The following GABRA5 variants were observed in gnomAD, a reference collection of about 807,000 sequenced individuals.
GABRA5 encodes the protein gamma-aminobutyric acid type A receptor subunit alpha5, also known as gamma-aminobutyric acid receptor subunit alpha-5.
Under a neutral mutation model 47.3 loss-of-function variants are expected in GABRA5, and 18 were observed. The ratio of observed to expected loss-of-function variants is 0.38; its 90% CI spans 0.26 to 0.56. The LOEUF is 0.56. Ranked by LOEUF, GABRA5 falls within the 20% of genes least tolerant of loss-of-function variation. GABRA5 has a pLI of 0.71. For missense variants in GABRA5, 365 were observed against 599.3 expected (o/e 0.61, Z 4.08); for synonymous variants, 237 against 229.3 (o/e 1.03, Z -0.30).
chr15:26,919,849 G>A lies in GABRA5; in HGVS notation c.580+4964G>A, dbSNP rs74491305. ...TTTCTGCTTTTGTTTTTCTGGAAAA[G>A]TTTTTGTCTTGCCTTCATTTTTGAA... On this transcript the variant is annotated intron_variant, in intron 7 of 10. Coordinates refer to ENST00000335625, the MANE Select transcript of GABRA5 (RefSeq NM_000810.4). Among the ~76,000 whole-genome samples the A allele has an allele frequency of 0.01, 1,583 of 152,094 alleles. 106 individuals carry two copies. The East Asian group carries it at 0.19, about 18-fold the overall frequency.
rs1006335055 is a variant in GABRA5, at chr15:26,883,885, G to A, written c.497+328G>A. 6.6e-6 allele frequency among the ~76,000 whole-genome samples: 1 copy of A among 152,134 alleles called. No individual in the cohort carries two copies. The highest frequency in any genetic ancestry group is 2.4e-5 in the African/African-American group (1 of 41,432). The stretch of plus-strand genomic sequence containing the variant: ...CTTAAACATCTAAGGAGGACCGGGC[G>A]TGGTGGCTCATGCCTGTACACCTTT... On this transcript the variant is annotated intron_variant, in intron 6 of 10. Coordinates refer to ENST00000335625, the MANE Select transcript of GABRA5 (RefSeq NM_000810.4). This position sits in a 1 kb window ranked among gnomAD's most constrained non-coding sequence, Gnocchi z 4.8.
chr15:26,921,478 A>C (rs1294181325), intron 7 of GABRA5, among the ~76,000 whole-genome samples: 1 of 151,976 alleles, frequency 6.6e-6, no homozygotes, highest in Non-Finnish European at 1.5e-5. Flanking sequence ...TGACGTTGGT[A>C]ATTTGTGTTA....
At chr15:26,887,272 T>G (rs1892901308) in intron 6 of GABRA5, among the ~76,000 whole-genome samples, 1 of 152,216 alleles carries the variant, frequency 6.6e-6, no homozygotes, top group African/African-American at 2.4e-5. Context: ...ATGTTGGACC[T>G]AAGTAAAACG....
At chr15:26,893,023 G>A (rs533479947) in intron 6 of GABRA5, among the ~76,000 whole-genome samples, 2 of 150,950 alleles carry the variant, frequency 1.3e-5, no homozygotes, top group South Asian at 4.2e-4. Context: ...TGTTTATGGT[G>A]CGTTTGTATG....
rs984275812 is a variant in GABRA5, at chr15:26,948,487, A to G, written c.*254A>G. On this transcript the variant is annotated 3_prime_UTR_variant, in exon 11 of 11. Coordinates refer to ENST00000335625, the MANE Select transcript of GABRA5 (RefSeq NM_000810.4). ...TACGATGACTGACACTCAGATGCCC[A>G]GTATCATACGTTGATAGTTTACAAA... The G allele has an allele frequency of 6.0e-6, 3 of 497,050 alleles. No homozygotes were observed. Among genetic ancestry groups the G allele is most frequent in the African/African-American group, 3.8e-5 (2 of 52,302 alleles). The allele number at this position is 497,050 out of a possible 1,614,324, so 30.8% of individuals were successfully genotyped here.
intron 7 of GABRA5, 74 bp from the exon 8 acceptor site, chr15:26,937,111 A>C: frequency 6.5e-7 from 1 of 1,541,252 alleles, no homozygotes. Flanking sequence ...TTGCTACTTT[A>C]GTAAAAGCTT....
rs953572095 is a variant in GABRA5 at position 26,949,109 on chromosome 15, T to C, written c.*876T>C. ...TAATTGAGTTATTTTCCATTTTATTTCCTTGTATGTATTTCATGACTGGAC... is the reference window on the plus strand; with the variant it reads ...TAATTGAGTTATTTTCCATTTTATTCCCTTGTATGTATTTCATGACTGGAC... On this transcript the variant is annotated 3_prime_UTR_variant, in exon 11 of 11. Coordinates refer to ENST00000335625, the MANE Select transcript of GABRA5 (RefSeq NM_000810.4). 1 of 152,226 alleles carries C rather than the reference T, an allele frequency of 6.6e-6. No individual in the cohort carries two copies. Among genetic ancestry groups the C allele is most frequent in the African/African-American group, 2.4e-5 (1 of 41,460 alleles). 9.4% of individuals were successfully genotyped at this position (152,226 alleles called of 1,614,324 possible).
intron 6 of GABRA5, among the ~76,000 whole-genome samples, chr15:26,905,659 C>G (rs981957877): frequency 6.6e-6 from 1 of 150,750 alleles, no homozygotes; most frequent in African/African-American, 2.5e-5. Context: ...AGACTCTGTT[C>G]ATTTTTCTTC....
In GABRA5 at chr15:26,867,113, T is replaced by C. The variant is rs1892331201; in HGVS notation, c.-140+2T>C. On this transcript the variant is annotated splice_donor_variant, in intron 1 of 10. Coordinates refer to ENST00000335625, the MANE Select transcript of GABRA5 (RefSeq NM_000810.4). LOFTEE classifies it low-confidence loss of function (5UTR_SPLICE). The surrounding 1 kb of genome is among the most constrained non-coding windows in gnomAD (Gnocchi z 5.9). Reference sequence around the variant, plus strand: ...GACGACATGTGGCGCTCGGGCGAGGTGAGAGCGGGCGCGAGTGCGCCGGGG... The same window carrying C: ...GACGACATGTGGCGCTCGGGCGAGGCGAGAGCGGGCGCGAGTGCGCCGGGG... The C allele has an allele frequency of 6.6e-6, 1 of 151,492 alleles. No individual in the cohort carries two copies. The highest frequency in any genetic ancestry group is 1.5e-5 in the Non-Finnish European group (1 of 67,846). The allele number at this position is 151,492 out of a possible 1,614,324, so 9.4% of individuals were successfully genotyped here.
intron 7 of GABRA5, among the ~76,000 whole-genome samples, chr15:26,935,672 G>A (rs1010895338): frequency 2.6e-5 from 4 of 152,208 alleles, no homozygotes; most frequent in Admixed American, 2.0e-4. Context: ...GAATCCCATC[G>A]CGTCTCATGT....
At chr15:26,933,776 A>T (rs1280898357) in intron 7 of GABRA5, among the ~76,000 whole-genome samples, 1 of 152,006 alleles carries the variant, frequency 6.6e-6, no homozygotes, top group Non-Finnish European at 1.5e-5. Flanking sequence ...GTGTGGCCAA[A>T]CCCCACTCAC....
rs186781227 is a variant in GABRA5, at chr15:26,890,220, A to T, written c.497+6663A>T. On this transcript the variant is annotated intron_variant, in intron 6 of 10. Coordinates refer to ENST00000335625, the MANE Select transcript of GABRA5 (RefSeq NM_000810.4). ...ACATAAATTTTTGATATTAATACAG[A>T]TTTTCAAACTGTTCTCTAGAAAAAT... 1.7e-3 allele frequency among the ~76,000 whole-genome samples: 254 copies of T among 152,258 alleles called. 3 individuals are homozygous for T. Among genetic ancestry groups the T allele is most frequent in the Admixed American group, 0.012 (191 of 15,292 alleles).
intron 8 of GABRA5, 24 bp from the exon 9 acceptor site, chr15:26,939,901 G>A (rs376568358): frequency 1.3e-5 from 21 of 1,612,910 alleles, no homozygotes; most frequent in Non-Finnish European, 1.6e-5. Flanking sequence ...GGGGACTGAT[G>A]TGCAGTCATT....
chr15:26,891,148 G>A (rs1892996069), intron 6 of GABRA5, among the ~76,000 whole-genome samples: 1 of 152,184 alleles, frequency 6.6e-6, no homozygotes, highest in Admixed American at 6.5e-5. Flanking sequence ...GCCAGGCCAT[G>A]CTTTGGACTC....
intron 3 of GABRA5, among the ~76,000 whole-genome samples, chr15:26,871,482 T>C (rs1019436184): frequency 6.6e-6 from 1 of 152,202 alleles, no homozygotes; most frequent in African/African-American, 2.4e-5. Context: ...AATTAACTGT[T>C]GGAGCAGTTT....
intron 6 of GABRA5, among the ~76,000 whole-genome samples, chr15:26,885,981 A>G (rs528157308): frequency 6.6e-6 from 1 of 152,096 alleles, no homozygotes; most frequent in African/African-American, 2.4e-5. Context: ...TTTGGGTCCA[A>G]AGCCTGAAAG....
chr15:26,943,548 C>A, intron 10 of GABRA5, 122 bp downstream of exon 10: 1 of 865,802 alleles, frequency 1.2e-6, no homozygotes, highest in Non-Finnish European at 1.8e-6. Context: ...ATGCTCCTTT[C>A]CTCATATTCA....
chr15:26,931,233 A>T (rs1894100492), intron 7 of GABRA5, among the ~76,000 whole-genome samples: 2 of 152,092 alleles, frequency 1.3e-5, no homozygotes, highest in Admixed American at 1.3e-4. Context: ...AGTCTGCTAT[A>T]ACAGAATACC....
chr15:26,893,281 G>GTAGTGTGTGGTGTGT, intron 6 of GABRA5, among the ~76,000 whole-genome samples: 1 of 47,104 alleles, frequency 2.1e-5, no homozygotes, highest in Non-Finnish European at 4.8e-5. Context: ...GTGTGTGTAT[G>GTAGTGTGTGGTGTGT]GCATATGGCG....
Sources: allele counts gnomAD v4.1 joint callset (sites outside exome capture counted in the v4.1 genomes callset), GRCh38; gene constraint gnomAD v4.1.1; non-coding constraint Gnocchi (gnomAD v3.1); transcripts MANE v1.5; gene names NCBI Gene and HGNC (gene_info 2026-07-23, HGNC 2026-07-21).